CSMD1: variants seen among roughly 807,000 people sequenced by gnomAD.
CSMD1 encodes CUB and Sushi multiple domains 1.
CSMD1 carries 213 observed loss-of-function variants against 417.5 expected under a neutral mutation model. That is an observed-to-expected ratio of 0.51 (90% CI 0.46 to 0.57). CSMD1 has a LOEUF of 0.57. CSMD1 is among the 20% of genes least tolerant of loss of function. CSMD1 has a pLI of 0.00. For missense variants in CSMD1, 6,923 were observed against 4,529.7 expected (o/e 1.53, Z -15.17); for synonymous variants, 2,862 against 1,736.8 (o/e 1.65, Z -16.11).
At chr8:3,231,447 A>G (rs1798832543) in intron 26 of CSMD1, among the ~76,000 whole-genome samples, 1 of 152,178 alleles carries the variant, frequency 6.6e-6, no homozygotes, top group South Asian at 2.1e-4. Context: ...GCCTTAAAGT[A>G]ATGAGTAGGC....
chr8:3,434,340 C>T (rs893469623), intron 12 of CSMD1, among the ~76,000 whole-genome samples: 7 of 152,136 alleles, frequency 4.6e-5, no homozygotes, highest in Admixed American at 3.3e-4. Flanking sequence ...ATATGTAATA[C>T]CAAAATTAAA....
chr8:4,833,172 T>C (rs985556212), intron 1 of CSMD1, among the ~76,000 whole-genome samples: 1 of 152,140 alleles, frequency 6.6e-6, no homozygotes, highest in African/African-American at 2.4e-5. Flanking sequence ...CTCACACTGC[T>C]ATAAAAAAAA....
At chr8:4,419,067 C>G (rs563426298) in intron 3 of CSMD1, among the ~76,000 whole-genome samples, 9 of 152,148 alleles carry the variant, frequency 5.9e-5, no homozygotes, top group Non-Finnish European at 8.8e-5. Context: ...CGATTTTTGC[C>G]TAAATGCAGA....
intron 1 of CSMD1, among the ~76,000 whole-genome samples, chr8:4,711,912 A>G (rs1279167015): frequency 6.6e-6 from 1 of 152,220 alleles, no homozygotes; most frequent in Non-Finnish European, 1.5e-5. Flanking sequence ...AGTGCCTACT[A>G]CAGGAAAGGG....
chr8:3,949,763 C>T (rs768271865), intron 5 of CSMD1, among the ~76,000 whole-genome samples: 1 of 152,114 alleles, frequency 6.6e-6, no homozygotes, highest in Non-Finnish European at 1.5e-5. Context: ...CCAAGAAGCG[C>T]ACAAGACAGC....
chr8:4,101,233 TG>T (rs1208744123), intron 3 of CSMD1, among the ~76,000 whole-genome samples: 3 of 152,226 alleles, frequency 2.0e-5, no homozygotes, highest in Non-Finnish European at 4.4e-5. Context: ...TTTTGTTTTT[TG>T]CTGTTTCTCC....
chr8:4,426,600 A>G (rs1797571629), intron 2 of CSMD1, among the ~76,000 whole-genome samples: 1 of 118,488 alleles, frequency 8.4e-6, no homozygotes, highest in South Asian at 2.8e-4. Context: ...TATAGTATAT[A>G]TACTATAAAT....
chr8:4,466,067 A>G (rs1001081393), intron 2 of CSMD1, among the ~76,000 whole-genome samples: 3 of 152,240 alleles, frequency 2.0e-5, no homozygotes, highest in Non-Finnish European at 4.4e-5. Flanking sequence ...ACACAAGTCA[A>G]ACAAGTTATG....
chr8:3,026,834 G>A (rs1281371883), intron 51 of CSMD1, among the ~76,000 whole-genome samples: 1 of 152,194 alleles, frequency 6.6e-6, no homozygotes, highest in African/African-American at 2.4e-5. Context: ...GAAAACCCCT[G>A]AGAACAGTTG....
intron 26 of CSMD1, among the ~76,000 whole-genome samples, chr8:3,254,160 C>G (rs1430600988): frequency 6.6e-6 from 1 of 152,142 alleles, no homozygotes; most frequent in South Asian, 2.1e-4. Context: ...ATATGAAATT[C>G]TGGGTTGAAA....
chr8:3,396,341 C>T lies in CSMD1; in HGVS notation c.2446G>A (p.Asp816Asn), dbSNP rs1811697849. 1.2e-6 allele frequency: 2 copies of T among 1,605,740 alleles called. No individual in the cohort carries two copies. The highest frequency in any genetic ancestry group is 2.7e-5 in the African/African-American group (2 of 74,808). ...AGTGGGGACGAACTGGCTGGCCCAT[C>T]TCTGACCTCCAAGGTGTCATAATTG... ...EVNYDTLEVR[D>N]GPASSSPLIG... is the part of the protein sequence containing the mutation. Residue 816 changes from aspartate to asparagine, a missense_variant, in exon 17 of 70, where the codon GAT becomes AAT. Transcript: ENST00000635120.
At chr8:4,645,411 C>A (rs1352767417) in intron 1 of CSMD1, among the ~76,000 whole-genome samples, 1 of 95,754 alleles carries the variant, frequency 1.0e-5, no homozygotes, top group Non-Finnish European at 1.9e-5. Context: ...TCTGAAAAGA[C>A]AAATTGCCAA....
intron 50 of CSMD1, among the ~76,000 whole-genome samples, chr8:3,050,395 A>G (rs1585228883): frequency 2.0e-5 from 3 of 152,352 alleles, no homozygotes; most frequent in East Asian, 3.9e-4. Context: ...TTGGCAGGAA[A>G]TACAGACTTT....
chr8:4,326,236 T>C (rs905067960), intron 3 of CSMD1, among the ~76,000 whole-genome samples: 2 of 152,154 alleles, frequency 1.3e-5, no homozygotes, highest in Non-Finnish European at 2.9e-5. Flanking sequence ...AAACCATTGG[T>C]CTAAGATGAC....
intron 1 of CSMD1, among the ~76,000 whole-genome samples, chr8:4,717,637 G>A (rs987533884): frequency 6.6e-5 from 10 of 151,384 alleles, no homozygotes; most frequent in Non-Finnish European, 1.2e-4. Flanking sequence ...TTTCTACAAC[G>A]GGGAAAGCAC....
chr8:3,414,465 C>T (rs1813005545), intron 12 of CSMD1, among the ~76,000 whole-genome samples: 1 of 152,138 alleles, frequency 6.6e-6, no homozygotes, highest in African/African-American at 2.4e-5. Context: ...TTCAGGTTCT[C>T]ACCCCTCACT....
At chr8:3,603,168 G>A (rs80322950) in intron 8 of CSMD1, among the ~76,000 whole-genome samples, 3,418 of 152,192 alleles carry the variant, frequency 0.022, 145 homozygotes, top group African/African-American at 0.079. Context: ...TTCTTAAGTA[G>A]TTCTTAAAAA....
chr8:3,647,977 G>C (rs979771346), intron 7 of CSMD1, among the ~76,000 whole-genome samples: 6 of 152,238 alleles, frequency 3.9e-5, no homozygotes, highest in African/African-American at 1.4e-4. Flanking sequence ...GCTGTAAACA[G>C]CAGGATTTTT....
At chr8:3,506,110 G>A (rs763765357) in intron 10 of CSMD1, among the ~76,000 whole-genome samples, 8 of 152,160 alleles carry the variant, frequency 5.3e-5, no homozygotes, top group African/African-American at 1.7e-4. Flanking sequence ...GTGTCTCATC[G>A]GAGGCCAGGT....
Sources: gnomAD v4.1 joint callset for allele counts (sites outside exome capture counted in the v4.1 genomes callset) on GRCh38, gnomAD v4.1.1 for gene constraint, MANE v1.5 for transcripts, NCBI Gene and HGNC (gene_info 2026-07-23, HGNC 2026-07-21) for gene names.